CSMD2: variants seen among roughly 807,000 people sequenced by gnomAD.
The protein encoded by CSMD2 is CUB and sushi domain-containing protein 2.
A neutral mutation model predicts 398.5 loss-of-function variants in CSMD2; 130 were observed. The observed-to-expected ratio is 0.33, with a 90% CI of 0.28 to 0.38. The LOEUF (loss-of-function observed/expected upper bound fraction) is 0.38, where lower values mean the gene tolerates loss of function less well. CSMD2 is among the 10% of genes least tolerant of loss of function. The probability of loss-of-function intolerance (pLI) is 1.00; values close to 1 mark genes in which losing one functional copy is unlikely to be tolerated. For synonymous variants in CSMD2, 1,828 were observed against 1,908.5 expected (o/e 0.96, Z 1.10); for missense variants, 3,829 against 4,764.9 (o/e 0.80, Z 5.78).
chr1:33,798,994 G>C (rs1225601128), intron 10 of CSMD2, among the ~76,000 whole-genome samples: 1 of 152,198 alleles, frequency 6.6e-6, no homozygotes, highest in African/African-American at 2.4e-5. Flanking sequence ...TTTTGTTTAA[G>C]GACTGCTTTG....
At chr1:33,952,692 A>T (rs1645043993) in intron 3 of CSMD2, among the ~76,000 whole-genome samples, 1 of 137,588 alleles carries the variant, frequency 7.3e-6, no homozygotes, top group South Asian at 2.1e-4. Context: ...ACACACACAC[A>T]CACACACACA....
intron 21 of CSMD2, among the ~76,000 whole-genome samples, chr1:33,710,444 T>C (rs1477565856): frequency 6.6e-6 from 1 of 152,232 alleles, no homozygotes; most frequent in African/African-American, 2.4e-5. Context: ...TGGAGTACAC[T>C]GACCTCAGAA....
At chr1:33,678,001 T>G (rs1644776671) in intron 25 of CSMD2, among the ~76,000 whole-genome samples, 2 of 150,484 alleles carry the variant, frequency 1.3e-5, no homozygotes, top group African/African-American at 4.9e-5. Flanking sequence ...GAGATATACC[T>G]AATGCTAAAT....
rs1641422780 is a variant in CSMD2 at position 33,616,834 on chromosome 1, T to C, written c.6016+72A>G. The stretch of plus-strand genomic sequence containing the variant: ...TCTTCTGATTTGAACTTGAACTCAA[T>C]GATACACTACTGAGCTAAGATCCCT... On this transcript the variant is annotated intron_variant, in intron 39 of 70. Coordinates refer to ENST00000373381, the MANE Select transcript of CSMD2 (RefSeq NM_001281956.2). The C allele has an allele frequency of 2.6e-6, 3 of 1,175,930 alleles. No individual in the cohort carries two copies. In the African/African-American group the frequency reaches 4.5e-5, roughly 18 times the overall value. The allele number at this position is 1,175,930 out of a possible 1,614,324, so 72.8% of individuals were successfully genotyped here.
At chr1:33,844,436 T>C (rs919720774) in intron 6 of CSMD2, among the ~76,000 whole-genome samples, 1 of 152,228 alleles carries the variant, frequency 6.6e-6, no homozygotes, top group African/African-American at 2.4e-5. Flanking sequence ...CAGCTCACAA[T>C]GTCAATAGCG....
At chr1:34,086,901 C>T (rs1378328141) in intron 2 of CSMD2, among the ~76,000 whole-genome samples, 1 of 152,092 alleles carries the variant, frequency 6.6e-6, no homozygotes, top group Admixed American at 6.6e-5. Flanking sequence ...TCACTTTTTC[C>T]CTTCCAGAAC....
chr1:33,601,741 A>G (rs1156407881), intron 43 of CSMD2, among the ~76,000 whole-genome samples: 3 of 152,274 alleles, frequency 2.0e-5, no homozygotes, highest in Admixed American at 6.5e-5. Context: ...CTCTTGTTGT[A>G]TATAACTACA....
intron 1 of CSMD2, among the ~76,000 whole-genome samples, chr1:34,133,751 T>C (rs990856998): frequency 6.6e-6 from 1 of 151,978 alleles, no homozygotes; most frequent in Non-Finnish European, 1.5e-5. Flanking sequence ...AAAGAGAGCA[T>C]GCCCAAGGGT....
rs114870227 is a variant in CSMD2, at chr1:33,644,249, C to T, written c.4774+2399G>A. Among the ~76,000 whole-genome samples the T allele has an allele frequency of 4.9e-3, 744 of 152,252 alleles. 10 individuals are homozygous for T. The highest frequency in any genetic ancestry group is 0.017 in the African/African-American group (711 of 41,534). ...AAAGAGGTTTTGAAAGTATGGCTCT[C>T]GGACCATGAATTTCCTTGGAGAAGA... is the stretch of plus-strand genomic sequence containing the variant. On this transcript the variant is annotated intron_variant, in intron 29 of 70. Coordinates refer to ENST00000373381, the MANE Select transcript of CSMD2 (RefSeq NM_001281956.2).
chr1:33,599,982 C>T, intron 44 of CSMD2: 1 of 609,142 alleles, frequency 1.6e-6, no homozygotes, highest in Non-Finnish European at 3.0e-6. Context: ...GTTTCCAGTT[C>T]TATCCACATG....
chr1:33,816,753 T>C (rs948984757), intron 9 of CSMD2, among the ~76,000 whole-genome samples: 3 of 152,172 alleles, frequency 2.0e-5, no homozygotes, highest in African/African-American at 7.2e-5. Flanking sequence ...GAACGCCTAA[T>C]TTCATATCTC....
chr1:34,007,514 A>G (rs1240802994), intron 3 of CSMD2, among the ~76,000 whole-genome samples: 1 of 152,194 alleles, frequency 6.6e-6, no homozygotes, highest in Admixed American at 6.5e-5. Context: ...ATGGGTATGC[A>G]TTACTGATAA....
At chr1:34,129,513 A>G (rs1663105598) in intron 1 of CSMD2, among the ~76,000 whole-genome samples, 2 of 152,008 alleles carry the variant, frequency 1.3e-5, no homozygotes, top group South Asian at 4.1e-4. Flanking sequence ...TTAGCCGGGC[A>G]TGGTGGCGGG....
chr1:34,058,105 C>T (rs1416600559), intron 2 of CSMD2, among the ~76,000 whole-genome samples: 1 of 152,182 alleles, frequency 6.6e-6, no homozygotes, highest in South Asian at 2.1e-4. Flanking sequence ...GGAGTGACAA[C>T]TCCATTTGCC....
At chr1:33,948,048 G>C (rs1570597285) in intron 3 of CSMD2, among the ~76,000 whole-genome samples, 6 of 152,302 alleles carry the variant, frequency 3.9e-5, no homozygotes, top group Admixed American at 3.9e-4. Context: ...AGACTATCTT[G>C]CTGGCTACAG....
At position 33,767,364 on chromosome 1, in the gene CSMD2, A is replaced by C. The variant is rs149762237; in HGVS notation, c.1846+5205T>G. On this transcript the variant is annotated intron_variant, in intron 13 of 70. Transcript: ENST00000373381. ...TATTTAAACTTGTAGATTTATTTAA[A>C]CCATTAAATTAGCTTAAACTTGAAA... Among the ~76,000 whole-genome samples, 526 of 152,346 alleles carry C rather than the reference A, an allele frequency of 3.5e-3. 6 individuals are homozygous for C. Among genetic ancestry groups the C allele is most frequent in the African/African-American group, 0.012 (501 of 41,586 alleles).
intron 3 of CSMD2, among the ~76,000 whole-genome samples, chr1:33,950,682 A>C (rs955458165): frequency 1.3e-5 from 2 of 152,108 alleles, no homozygotes; most frequent in African/African-American, 4.8e-5. Context: ...CCAGGAACTC[A>C]AGGCCTGGGA....
chr1:33,807,231 C>T (rs548389305), intron 10 of CSMD2, among the ~76,000 whole-genome samples: 1 of 152,232 alleles, frequency 6.6e-6, no homozygotes, highest in South Asian at 2.1e-4. Flanking sequence ...CCAGTGAATA[C>T]TAGCGTTCTT....
intron 13 of CSMD2, among the ~76,000 whole-genome samples, chr1:33,767,069 C>T (rs1650602945): frequency 6.6e-6 from 1 of 152,092 alleles, no homozygotes; most frequent in Admixed American, 6.5e-5. Flanking sequence ...TCATTATAGC[C>T]TTATATAAAA....
Sources: gnomAD v4.1 joint callset for allele counts (sites outside exome capture counted in the v4.1 genomes callset) on GRCh38, gnomAD v4.1.1 for gene constraint, MANE v1.5 for transcripts, NCBI Gene and HGNC (gene_info 2026-07-23, HGNC 2026-07-21) for gene names.